CRPPA: variants seen among roughly 807,000 people sequenced by gnomAD.
The protein encoded by CRPPA is D-ribitol-5-phosphate cytidylyltransferase.
Under a neutral mutation model 52.0 loss-of-function variants are expected in CRPPA, and 43 were observed. That is an observed-to-expected ratio of 0.83 (90% CI 0.65 to 1.07). The LOEUF (loss-of-function observed/expected upper bound fraction) is 1.07. Among genes scored for constraint, CRPPA ranks in the 50% least tolerant of loss-of-function variants. The pLI is 0.00. For synonymous variants in CRPPA, 250 were observed against 203.5 expected, an observed-to-expected ratio of 1.23 and a Z score of -1.94; for missense variants, 629 against 551.7, an observed-to-expected ratio of 1.14 and a Z score of -1.40.
chr7:16,206,254 A>C (rs1781971500), intron 9 of CRPPA, among the ~76,000 whole-genome samples: 1 of 152,146 alleles, frequency 6.6e-6, no homozygotes, highest in African/African-American at 2.4e-5. Flanking sequence ...GCTCAGACCA[A>C]TGATGTAAAT....
chr7:16,342,806 GATAT>G (rs1785903843), intron 3 of CRPPA, among the ~76,000 whole-genome samples: 1 of 101,848 alleles, frequency 9.8e-6, no homozygotes, highest in Non-Finnish European at 2.0e-5. Flanking sequence ...TATCTATATA[GATAT>G]ATAGATATAC....
chr7:16,203,835 A>C (rs946792147), intron 9 of CRPPA, among the ~76,000 whole-genome samples: 2 of 152,174 alleles, frequency 1.3e-5, no homozygotes, highest in African/African-American at 4.8e-5. Flanking sequence ...TCCTCCAGTA[A>C]ATTTAGCTGA....
intron 9 of CRPPA, among the ~76,000 whole-genome samples, chr7:16,204,750 G>T (rs73291434): frequency 1.3e-5 from 2 of 152,158 alleles, no homozygotes; most frequent in African/African-American, 4.8e-5. Flanking sequence ...TTAGCACCAA[G>T]TAAAACTGAA....
intron 4 of CRPPA, among the ~76,000 whole-genome samples, chr7:16,302,369 A>C (rs1455027149): frequency 6.6e-6 from 1 of 151,246 alleles, no homozygotes; most frequent in African/African-American, 2.4e-5. Context: ...GTAACCTGCC[A>C]ACATGGCATG....
chr7:16,370,630 C>T (rs1285271152), intron 3 of CRPPA, among the ~76,000 whole-genome samples: 4 of 152,136 alleles, frequency 2.6e-5, no homozygotes, highest in East Asian at 1.9e-4. Flanking sequence ...CCTCGAGTCC[C>T]AGATCTTTCC....
At position 16,162,963 on chromosome 7, in the gene CRPPA, TTTTC is replaced by T. The variant is rs1283431751; in HGVS notation, c.1251+53099_1251+53102del. Among the ~76,000 whole-genome samples the T allele has an allele frequency of 2.4e-3, 353 of 149,048 alleles. 2 individuals are homozygous for T. The highest frequency in any genetic ancestry group is 8.2e-3 in the African/African-American group (336 of 41,066). On this transcript the variant is annotated intron_variant, in intron 9 of 9. Coordinates refer to ENST00000407010, the MANE Select transcript of CRPPA (RefSeq NM_001101426.4). ...TCTTTGTCTTTTTTTTTCTTTTTCT[TTTTC>T]TTTCTCTTTTTTTTTTTTTTTTTTG...
At chr7:16,389,892 A>G (rs1389276172) in intron 2 of CRPPA, among the ~76,000 whole-genome samples, 1 of 131,376 alleles carries the variant, frequency 7.6e-6, no homozygotes, top group Non-Finnish European at 1.6e-5. Context: ...CAGCAAGGAT[A>G]CAGAGAACAA....
intron 9 of CRPPA, among the ~76,000 whole-genome samples, chr7:16,127,607 T>G (rs1782604364): frequency 6.6e-6 from 1 of 151,904 alleles, no homozygotes; most frequent in South Asian, 2.1e-4. Flanking sequence ...TAACTAGTTA[T>G]AAAATATAAA....
chr7:16,319,395 A>G (rs1785210183), intron 3 of CRPPA, among the ~76,000 whole-genome samples: 3 of 152,108 alleles, frequency 2.0e-5, no homozygotes, highest in African/African-American at 7.2e-5. Flanking sequence ...GGAACTCCCT[A>G]CATCACCGTC....
At chr7:16,306,828 G>A (rs1204838070) in intron 4 of CRPPA, among the ~76,000 whole-genome samples, 1 of 152,152 alleles carries the variant, frequency 6.6e-6, no homozygotes, top group Admixed American at 6.5e-5. Flanking sequence ...CTGCTGGGTT[G>A]ATGATAGTTA....
chr7:16,116,818 T>A (rs985730251), intron 9 of CRPPA, among the ~76,000 whole-genome samples: 1 of 151,962 alleles, frequency 6.6e-6, no homozygotes, highest in African/African-American at 2.4e-5. Context: ...AAAAAGCGTA[T>A]CAGAGGAACA....
intron 6 of CRPPA, among the ~76,000 whole-genome samples, chr7:16,263,652 C>A (rs1783872737): frequency 2.6e-5 from 4 of 152,060 alleles, no homozygotes; most frequent in African/African-American, 7.2e-5. Context: ...ACTTGAGAGG[C>A]TGAGGCAGAG....
At chr7:16,345,110 G>C (rs1170955602) in intron 3 of CRPPA, among the ~76,000 whole-genome samples, 2 of 152,112 alleles carry the variant, frequency 1.3e-5, no homozygotes, top group Admixed American at 6.5e-5. Context: ...AAAGTAGTAA[G>C]AGCTACTCAT....
intron 8 of CRPPA, among the ~76,000 whole-genome samples, chr7:16,229,097 C>T (rs1015335575): frequency 2.0e-5 from 3 of 151,906 alleles, no homozygotes; most frequent in African/African-American, 7.2e-5. Flanking sequence ...AATACAGCTA[C>T]TCCTACTTTT....
In CRPPA at chr7:16,229,136, T is replaced by G. The variant is rs1782725929; in HGVS notation, c.1120-12939A>C. 3.9e-5 allele frequency among the ~76,000 whole-genome samples: 6 copies of G among 152,188 alleles called. No individual in the cohort carries two copies. The South Asian group carries it at 1.2e-3, about 31-fold the overall frequency. On this transcript the variant is annotated intron_variant, in intron 8 of 9. Coordinates refer to ENST00000407010, the MANE Select transcript of CRPPA (RefSeq NM_001101426.4). ...TTGTTGTTTCAATTTGTATGGGACA[T>G]CTTTTTCTATCCCTTCACTTTCAGT...
chr7:16,340,156 G>T (rs1240046154), intron 3 of CRPPA, among the ~76,000 whole-genome samples: 1 of 151,840 alleles, frequency 6.6e-6, no homozygotes, highest in African/African-American at 2.4e-5. Flanking sequence ...ACTCATAAAA[G>T]GTAACAAAGG....
intron 9 of CRPPA, among the ~76,000 whole-genome samples, chr7:16,212,127 G>C (rs1162712939): frequency 2.0e-5 from 3 of 152,038 alleles, no homozygotes; most frequent in African/African-American, 4.8e-5. Flanking sequence ...TAGATCTGCA[G>C]TCGTAGGAAC....
intron 9 of CRPPA, among the ~76,000 whole-genome samples, chr7:16,198,526 G>C (rs1221661485): frequency 8.4e-6 from 1 of 118,648 alleles, no homozygotes; most frequent in Non-Finnish European, 1.7e-5. Context: ...TAAATACTAA[G>C]GGAACTCAGA....
chr7:16,388,039 G>A (rs181030748), intron 2 of CRPPA, among the ~76,000 whole-genome samples: 6 of 152,216 alleles, frequency 3.9e-5, no homozygotes, highest in Admixed American at 2.6e-4. Flanking sequence ...GCTGGAGTCC[G>A]GTAGCACAAT....
Sources: gnomAD v4.1 joint callset for allele counts (sites outside exome capture counted in the v4.1 genomes callset) on GRCh38, gnomAD v4.1.1 for gene constraint, MANE v1.5 for transcripts, NCBI Gene and HGNC (gene_info 2026-07-23, HGNC 2026-07-21) for gene names.